Variants in KCNQ1 observed in about 807,000 individuals in gnomAD.
KCNQ1 encodes potassium voltage-gated channel subfamily Q member 1.
Under a neutral mutation model 72.4 loss-of-function variants are expected in KCNQ1, and 49 were observed. The observed-to-expected ratio is 0.68, with a 90% CI of 0.54 to 0.86. The LOEUF is 0.86. KCNQ1 is among the 40% of genes least tolerant of loss of function. The pLI is 0.00. For synonymous variants in KCNQ1, 450 were observed against 412.6 expected (o/e 1.09, Z -1.10); for missense variants, 790 against 945.1 (o/e 0.84, Z 2.15).
chr11:2,840,907 C>T (rs143361978), intron 15 of KCNQ1, among the ~76,000 whole-genome samples: 4 of 152,260 alleles, frequency 2.6e-5, no homozygotes, highest in African/African-American at 4.8e-5. Context: ...GCCTCACTTA[C>T]TAATTCAACA....
chr11:2,725,738 T>C lies in KCNQ1; in HGVS notation c.1515-43106T>C, dbSNP rs1845749147. ...AGGTACGAGAGATCACTGGGCTTTG[T>C]GAAACCTGTCAGCTTGTGTGAAAGC... On this transcript the variant is annotated intron_variant, in intron 11 of 15. Transcript: ENST00000155840. The surrounding 1 kb of genome is among the most constrained non-coding windows in gnomAD (Gnocchi z 7.2). Among the ~76,000 whole-genome samples the C allele has an allele frequency of 6.6e-6, 1 of 152,144 alleles. No individual in the cohort carries two copies.
At chr11:2,775,684 G>A (rs979730481) in intron 12 of KCNQ1, among the ~76,000 whole-genome samples, 7 of 152,214 alleles carry the variant, frequency 4.6e-5, no homozygotes, top group Non-Finnish European at 8.8e-5. Flanking sequence ...GGGTGGAAGG[G>A]AGGAGACAGC....
intron 11 of KCNQ1, among the ~76,000 whole-genome samples, chr11:2,718,632 T>C (rs1332771934): frequency 6.6e-6 from 1 of 152,200 alleles, no homozygotes; most frequent in Non-Finnish European, 1.5e-5. Context: ...GTGCTTTGTG[T>C]AGACGCATGA....
chr11:2,694,061 G>A, intron 11 of KCNQ1: 1 of 398,706 alleles, frequency 2.5e-6, no homozygotes, highest in Non-Finnish European at 4.4e-6. Context: ...AGGGACGGCA[G>A]CTGACACGTA....
In KCNQ1 at chr11:2,471,633, C is replaced by T. The variant is rs117880152; in HGVS notation, c.386+26149C>T. Among the ~76,000 whole-genome samples, 563 of 144,124 alleles carry T rather than the reference C, an allele frequency of 3.9e-3. 16 individuals are homozygous for T. In the East Asian group the frequency reaches 0.076, roughly 19 times the overall value. 94.6% of individuals were successfully genotyped at this position (144,124 alleles called of 152,430 possible). A position where few individuals can be genotyped will look rare whatever the true frequency, so the allele number is the denominator to read the frequency against. On this transcript the variant is annotated intron_variant, in intron 1 of 15. Transcript: ENST00000155840. The surrounding 1 kb of genome is among the most constrained non-coding windows in gnomAD (Gnocchi z 4.8). Reference sequence around the variant, plus strand: ...GTATATGGGTGTGTGCACGTATGCACGGATGTGTGTACACATGTGTATGGG... The same window carrying T: ...GTATATGGGTGTGTGCACGTATGCATGGATGTGTGTACACATGTGTATGGG...
rs150124323 is a variant in KCNQ1 at position 2,766,400 on chromosome 11, C to T, written c.1515-2444C>T. On this transcript the variant is annotated intron_variant, in intron 11 of 15. Coordinates refer to ENST00000155840, the MANE Select transcript of KCNQ1 (RefSeq NM_000218.3). This position sits in a 1 kb window ranked among gnomAD's most constrained non-coding sequence, Gnocchi z 4.4. ...CACTGGGTTGTCAGCCAGGGTCTCT[C>T]AGCTCTCCTTCACGCGGCTGTTCCA... is the stretch of plus-strand genomic sequence containing the variant. 8.3e-4 allele frequency among the ~76,000 whole-genome samples: 127 copies of T among 152,314 alleles called. No homozygotes were observed. The highest frequency in any genetic ancestry group is 1.6e-3 in the Non-Finnish European group (109 of 68,026).
intron 10 of KCNQ1, chr11:2,638,695 G>C (rs983145496): frequency 6.6e-6 from 1 of 152,168 alleles, no homozygotes. Flanking sequence ...GGCATTCTCT[G>C]TATTTCCTGA....
In KCNQ1 at chr11:2,827,081, G is replaced by A. The variant is rs890420803; in HGVS notation, c.1795-20686G>A. Among the ~76,000 whole-genome samples, 10 of 152,178 alleles carry A rather than the reference G, an allele frequency of 6.6e-5. No homozygotes were observed. The highest frequency in any genetic ancestry group is 1.3e-4 in the Admixed American group (2 of 15,286). Reference sequence around the variant, plus strand: ...TGATGTGCTTAGATGTCACAGAGCCGGGAGGGGAACAGGCTGGGCTGCAGA... The same window carrying A: ...TGATGTGCTTAGATGTCACAGAGCCAGGAGGGGAACAGGCTGGGCTGCAGA... On this transcript the variant is annotated intron_variant, in intron 15 of 15. Coordinates refer to ENST00000155840, the MANE Select transcript of KCNQ1 (RefSeq NM_000218.3). The surrounding 1 kb of genome is among the most constrained non-coding windows in gnomAD (Gnocchi z 6.7).
intron 1 of KCNQ1, among the ~76,000 whole-genome samples, chr11:2,445,982 G>A (rs1846031224): frequency 6.6e-6 from 1 of 152,144 alleles, no homozygotes; most frequent in African/African-American, 2.4e-5. Context: ...TGACGGTGGC[G>A]GTGCTCCCTG....
Position 2,451,139 on chromosome 11 carries a change from A to G in KCNQ1, c.386+5655A>G, listed in dbSNP as rs1846114060. ...TCTGCAGAAACACCGTTCCCCGTAG[A>G]GCAGCAGTCCCCAACCTTTTTAGTA... On this transcript the variant is annotated intron_variant, in intron 1 of 15. Coordinates refer to ENST00000155840, the MANE Select transcript of KCNQ1 (RefSeq NM_000218.3). The surrounding 1 kb of genome is among the most constrained non-coding windows in gnomAD (Gnocchi z 6.4). Among the ~76,000 whole-genome samples the G allele has an allele frequency of 6.6e-6, 1 of 152,132 alleles. No homozygotes were observed. Among genetic ancestry groups the G allele is most frequent in the African/African-American group, 2.4e-5 (1 of 41,420 alleles).
Position 2,562,483 on chromosome 11 carries a change from G to A in KCNQ1, c.478-8145G>A, listed in dbSNP as rs1053063632. Among the ~76,000 whole-genome samples, 3 of 152,156 alleles carry A rather than the reference G, an allele frequency of 2.0e-5. No homozygotes were observed. Among genetic ancestry groups the A allele is most frequent in the South Asian group, 2.1e-4 (1 of 4,832 alleles). Reference sequence around the variant, plus strand: ...CAGCTGGCCCCAAAGCCCGCCAGCCGGGCTCTATGCTGTGGGGACCACTGC... The same window carrying A: ...CAGCTGGCCCCAAAGCCCGCCAGCCAGGCTCTATGCTGTGGGGACCACTGC... On this transcript the variant is annotated intron_variant, in intron 2 of 15. Transcript: ENST00000155840. The surrounding 1 kb of genome is among the most constrained non-coding windows in gnomAD (Gnocchi z 7.5).
At chr11:2,582,280 C>CCACCCTCCCTCCTCCT (rs1353610882) in intron 6 of KCNQ1, among the ~76,000 whole-genome samples, 1 of 152,246 alleles carries the variant, frequency 6.6e-6, no homozygotes, top group Non-Finnish European at 1.5e-5. Context: ...GGGCTTCTCC[C>CCACCCTCCCTCCTCCT]CACCCTCCCT....
At chr11:2,660,383 C>G in intron 10 of KCNQ1, 1 of 398,428 alleles carries the variant, frequency 2.5e-6, no homozygotes, top group Non-Finnish European at 4.4e-6. Flanking sequence ...TGTGGGAAAA[C>G]CTTCCTTTTT....
chr11:2,445,298 C>T lies in KCNQ1; in HGVS notation c.200C>T (p.Pro67Leu), dbSNP rs765913607. 2.1e-6 allele frequency: 3 copies of T among 1,410,322 alleles called. No homozygotes were observed. Among genetic ancestry groups the T allele is most frequent in the Non-Finnish European group, 2.8e-6 (3 of 1,085,640 alleles). The allele number at this position is 1,410,322 out of a possible 1,614,324, so 87.4% of individuals were successfully genotyped here. A position where few individuals can be genotyped will look rare whatever the true frequency, so the allele number is the denominator to read the frequency against. The change falls in exon 1 of 16, where the codon CCG (proline) becomes CTG (leucine). Residue 67 changes from proline to leucine, a missense_variant. Coordinates refer to ENST00000155840, the MANE Select transcript of KCNQ1 (RefSeq NM_000218.3). ...GAPGPAPPAS[P>L]AAPAAPPVAS... Reference sequence around the variant, plus strand: ...CCAGGTCCCGCGCCCCCTGCGTCCCCGGCCGCGCCCGCCGCGCCCCCAGTT... The same window carrying T: ...CCAGGTCCCGCGCCCCCTGCGTCCCTGGCCGCGCCCGCCGCGCCCCCAGTT...
Position 2,627,674 on chromosome 11 carries a change from A to ATGTG in KCNQ1, c.1394-34275_1394-34272dup. The ATGTG allele has an allele frequency of 2.5e-6, 1 of 397,860 alleles. No homozygotes were observed. The highest frequency in any genetic ancestry group is 4.4e-6 in the Non-Finnish European group (1 of 225,714). 24.6% of individuals were successfully genotyped at this position (397,860 alleles called of 1,614,324 possible). ...AATATTTCATTGTGTGTGTGTATAT[A>ATGTG]TGTGTGTGTGTGTGTCTGTATGTAT... is the stretch of plus-strand genomic sequence containing the variant. On this transcript the variant is annotated intron_variant, in intron 10 of 15. Coordinates refer to ENST00000155840, the MANE Select transcript of KCNQ1 (RefSeq NM_000218.3). This position sits in a 1 kb window ranked among gnomAD's most constrained non-coding sequence, Gnocchi z 4.9.
chr11:2,701,882 G>A (rs185597596), intron 11 of KCNQ1, among the ~76,000 whole-genome samples: 45 of 152,354 alleles, frequency 3.0e-4, no homozygotes, highest in South Asian at 6.2e-4. Context: ...TCATTTCCCC[G>A]CCTGTAGGAT....
rs1847166932 is a variant in KCNQ1 at position 2,509,855 on chromosome 11, G to A, written c.387-18073G>A. Among the ~76,000 whole-genome samples the A allele has an allele frequency of 6.6e-6, 1 of 152,182 alleles. No individual in the cohort carries two copies. Among genetic ancestry groups the A allele is most frequent in the South Asian group, 2.1e-4 (1 of 4,830 alleles). On this transcript the variant is annotated intron_variant, in intron 1 of 15. Coordinates refer to ENST00000155840, the MANE Select transcript of KCNQ1 (RefSeq NM_000218.3). The surrounding 1 kb of genome is among the most constrained non-coding windows in gnomAD (Gnocchi z 6.3). ...CGGGGCCGGCCAATGGTGGCGTGAT[G>A]CAGCCTGGCTTGGGAAATGCCCATG...
At chr11:2,480,903 A>G (rs1846640936) in intron 1 of KCNQ1, among the ~76,000 whole-genome samples, 1 of 152,216 alleles carries the variant, frequency 6.6e-6, no homozygotes, top group Non-Finnish European at 1.5e-5. Flanking sequence ...CAAAAGAGGG[A>G]AGTCTGGAGA....
At position 2,673,233 on chromosome 11, in the gene KCNQ1, T is replaced by A. The variant is rs941113692; in HGVS notation, c.1514+11152T>A. ...TAGGCAAGCTGAGTCCCCTGTAGAT[T>A]CTGGGGACTGGGTGATGCAGACTGC... On this transcript the variant is annotated intron_variant, in intron 11 of 15. Coordinates refer to ENST00000155840, the MANE Select transcript of KCNQ1 (RefSeq NM_000218.3). The surrounding 1 kb of genome is among the most constrained non-coding windows in gnomAD (Gnocchi z 4.5). 5 of 398,560 alleles carry A rather than the reference T, an allele frequency of 1.3e-5. No homozygotes were observed. Among genetic ancestry groups the A allele is most frequent in the Non-Finnish European group, 2.2e-5 (5 of 226,116 alleles). The allele number at this position is 398,560 out of a possible 1,614,324, so 24.7% of individuals were successfully genotyped here.
Sources: gnomAD v4.1 joint callset for allele counts (sites outside exome capture counted in the v4.1 genomes callset) on GRCh38, gnomAD v4.1.1 for gene constraint, Gnocchi (gnomAD v3.1) non-coding constraint, MANE v1.5 for transcripts, NCBI Gene and HGNC (gene_info 2026-07-23, HGNC 2026-07-21) for gene names.